The following BAG2 variants were observed in gnomAD, a reference collection of about 807,000 sequenced individuals.
BAG2 encodes BAG cochaperone 2.
In BAG2, 8 loss-of-function variants were observed where a neutral mutation model predicts 16.4. The ratio of observed to expected loss-of-function variants is 0.49; its 90% confidence interval spans 0.29 to 0.88. The LOEUF is 0.88. Among genes scored for constraint, BAG2 ranks in the 40% least tolerant of loss-of-function variants. The pLI is 0.09. For missense variants in BAG2, 218 were observed against 248.9 expected (o/e 0.88, Z 0.84); for synonymous variants, 82 against 89.2 (o/e 0.92, Z 0.46).
intron 1 of BAG2, chr6:57,173,105 T>G (rs1387478142): frequency 9.6e-7 from 1 of 1,039,730 alleles, no homozygotes. Flanking sequence ...CGGAAAAAAA[T>G]CAGAGGAGAT....
At position 57,188,824 on chromosome 6, in the gene BAG2, AAG is replaced by A. The variant is rs1238524453; in HGVS notation, c.*4638_*4639del. ...TTTTATTTTTCCATCTAAAATGGCA[AAG>A]AGAACATTTACTTTTGATCACTTAA... On this transcript the variant is annotated 3_prime_UTR_variant, in exon 3 of 3. Transcript: ENST00000370693. 6 of 152,214 alleles carry A rather than the reference AAG, an allele frequency of 3.9e-5. No homozygotes were observed. Among genetic ancestry groups the A allele is most frequent in the Non-Finnish European group, 7.3e-5 (5 of 68,028 alleles). 9.4% of individuals were successfully genotyped at this position (152,214 alleles called of 1,614,324 possible).
chr6:57,174,094 A>T, intron 1 of BAG2: 1 of 639,204 alleles, frequency 1.6e-6, no homozygotes, highest in Non-Finnish European at 2.0e-6. Context: ...ATGGATTTTC[A>T]CAATACTGGC....
At chr6:57,173,327 C>T (rs1168372792) in intron 1 of BAG2, 94 of 985,302 alleles carry the variant, frequency 9.5e-5, no homozygotes, top group Non-Finnish European at 1.1e-4. Context: ...ACCCAGCAAT[C>T]CATTGAGAGC....
At chr6:57,173,329 A>T (rs1424878990) in intron 1 of BAG2, 94 of 985,342 alleles carry the variant, frequency 9.5e-5, no homozygotes, top group Non-Finnish European at 1.1e-4. Context: ...CCAGCAATCC[A>T]TTGAGAGCAA....
rs80351725 is a variant in BAG2 at position 57,173,570 on chromosome 6, C to G, written c.113+760C>G. 1.9e-3 allele frequency: 1,582 copies of G among 854,206 alleles called. 18 individuals carry two copies. In the African/African-American group the frequency reaches 0.027, roughly 14 times the overall value. The allele number at this position is 854,206 out of a possible 1,614,324, so 52.9% of individuals were successfully genotyped here. A position where few individuals can be genotyped will look rare whatever the true frequency, so the allele number is the denominator to read the frequency against. On this transcript the variant is annotated intron_variant, in intron 1 of 2. Coordinates refer to ENST00000370693, the MANE Select transcript of BAG2 (RefSeq NM_004282.4). The stretch of plus-strand genomic sequence containing the variant: ...TTGCTTAAGAATTTATTTGGTAATA[C>G]AGTAGTAGACTTGTATAGAATTTCT...
chr6:57,174,911 A>G (rs1187849759), intron 1 of BAG2, among the ~76,000 whole-genome samples: 2 of 152,248 alleles, frequency 1.3e-5, no homozygotes, highest in Non-Finnish European at 1.5e-5. Context: ...TGTGCACTTA[A>G]TGTTCCCTAA....
intron 2 of BAG2, among the ~76,000 whole-genome samples, chr6:57,183,487 A>G (rs1034129755): frequency 6.6e-6 from 1 of 152,194 alleles, no homozygotes; most frequent in Non-Finnish European, 1.5e-5. Context: ...TCACAGTGTT[A>G]AGACTTGATC....
In BAG2 at chr6:57,189,121, A is replaced by ATCTT. The variant is rs1764731888; in HGVS notation, c.*4932_*4935dup. The ATCTT allele has an allele frequency of 6.6e-6, 1 of 152,218 alleles. No individual in the cohort carries two copies. The highest frequency in any genetic ancestry group is 1.5e-5 in the Non-Finnish European group (1 of 68,028). 9.4% of individuals were successfully genotyped at this position (152,218 alleles called of 1,614,324 possible). A position where few individuals can be genotyped will look rare whatever the true frequency, so the allele number is the denominator to read the frequency against. On this transcript the variant is annotated 3_prime_UTR_variant, in exon 3 of 3. Coordinates refer to ENST00000370693, the MANE Select transcript of BAG2 (RefSeq NM_004282.4). ...CAGTTTTAACAGAGTTCACGCAATT[A>ATCTT]TCTTAGCTGGAAAGCTACTGTCCCA...
Position 57,183,830 on chromosome 6 carries a change from C to T in BAG2, c.276C>T (p.Leu92=). 6.2e-7 allele frequency: 1 copy of T among 1,609,966 alleles called. No homozygotes were observed. Among genetic ancestry groups the T allele is most frequent in the Non-Finnish European group, 8.5e-7 (1 of 1,178,664 alleles). Residue 92 remains leucine (L), a synonymous_variant, in exon 3 of 3, where the codon CTC becomes CTT. Coordinates refer to ENST00000370693, the MANE Select transcript of BAG2 (RefSeq NM_004282.4). The part of the protein sequence containing the change: ...LTANRLMGRT[L]TVEVSVETIR... The stretch of plus-strand genomic sequence containing the variant: ...CAAACCGTTTGATGGGAAGAACTCT[C>T]ACCGTTGAAGTGTCAGTAGAAACAA...
chr6:57,179,241 G>A (rs1764370116), intron 1 of BAG2, among the ~76,000 whole-genome samples: 1 of 152,052 alleles, frequency 6.6e-6, no homozygotes, highest in African/African-American at 2.4e-5. Context: ...CCTGGAATAG[G>A]GCCTGATACT....
At position 57,184,891 on chromosome 6, in the gene BAG2, TA is replaced by T. The variant is rs1452857783; in HGVS notation, c.*707del. On this transcript the variant is annotated 3_prime_UTR_variant, in exon 3 of 3. Transcript: ENST00000370693. Reference sequence around the variant, plus strand: ...TCCTATATTGTAACTTGCCTTTTTTTAAAAAAGTTAGATGCTGATATAAAGT... The same window carrying T: ...TCCTATATTGTAACTTGCCTTTTTTTAAAAAGTTAGATGCTGATATAAAGT... 4 of 152,482 alleles carry T rather than the reference TA, an allele frequency of 2.6e-5. No homozygotes were observed. The highest frequency in any genetic ancestry group is 9.6e-5 in the African/African-American group (4 of 41,464). 9.4% of individuals were successfully genotyped at this position (152,482 alleles called of 1,614,324 possible). A position where few individuals can be genotyped will look rare whatever the true frequency, so the allele number is the denominator to read the frequency against.
At chr6:57,175,297 T>G (rs1000513353) in intron 1 of BAG2, among the ~76,000 whole-genome samples, 1 of 152,218 alleles carries the variant, frequency 6.6e-6, no homozygotes, top group Non-Finnish European at 1.5e-5. Context: ...AACGTTTTCC[T>G]GGCTCATAAC....
chr6:57,188,974 A>AAAT lies in BAG2; in HGVS notation c.*4785_*4787dup, dbSNP rs1764724699. 1 of 152,212 alleles carries AAAT rather than the reference A, an allele frequency of 6.6e-6. No individual in the cohort carries two copies. The highest frequency in any genetic ancestry group is 1.5e-5 in the Non-Finnish European group (1 of 68,022). The allele number at this position is 152,212 out of a possible 1,614,324, so 9.4% of individuals were successfully genotyped here. ...AACATTGTTTAGTACAAATAATGAA[A>AAAT]AATGACTTCATGACATTTTCCAATA... On this transcript the variant is annotated 3_prime_UTR_variant, in exon 3 of 3. Transcript: ENST00000370693.
chr6:57,181,606 A>C (rs1445051148), intron 1 of BAG2, among the ~76,000 whole-genome samples: 1 of 152,090 alleles, frequency 6.6e-6, no homozygotes, highest in Non-Finnish European at 1.5e-5. Context: ...AGGCTGAGGC[A>C]CGAGAATCAC....
intron 1 of BAG2, 133 bp downstream of exon 1, chr6:57,172,943 G>T (rs1764168064): frequency 1.3e-6 from 1 of 797,552 alleles, no homozygotes; most frequent in East Asian, 3.3e-5. Context: ...GAAGTTGCTT[G>T]TTGAGATTTG....
At chr6:57,177,547 T>C (rs577939748) in intron 1 of BAG2, among the ~76,000 whole-genome samples, 1 of 152,304 alleles carries the variant, frequency 6.6e-6, no homozygotes, top group South Asian at 2.1e-4. Flanking sequence ...ATGGTAAGAA[T>C]ATAATAGCTA....
chr6:57,189,297 T>C lies in BAG2; in HGVS notation c.*5107T>C, dbSNP rs1764739992. 6.6e-6 allele frequency: 1 copy of C among 152,220 alleles called. No individual in the cohort carries two copies. Among genetic ancestry groups the C allele is most frequent in the Non-Finnish European group, 1.5e-5 (1 of 68,026 alleles). The allele number at this position is 152,220 out of a possible 1,614,324, so 9.4% of individuals were successfully genotyped here. ...AGTGATTGATAATCTTAAAATACCA[T>C]ACAAAAATGTGTAAACAAAAGGATG... On this transcript the variant is annotated 3_prime_UTR_variant, in exon 3 of 3. Transcript: ENST00000370693.
chr6:57,172,376 C>T lies in BAG2; in HGVS notation c.-322C>T, dbSNP rs1210005500. On this transcript the variant is annotated 5_prime_UTR_variant, in exon 1 of 3. Transcript: ENST00000370693. ...GCTCGGTCTCTGCGTCCGCCCCTCC[C>T]GTGCCTCAGAGACTTGCGCTCCCCA... 1 of 184,682 alleles carries T rather than the reference C, an allele frequency of 5.4e-6. No homozygotes were observed. The highest frequency in any genetic ancestry group is 1.1e-5 in the Non-Finnish European group (1 of 89,878). 11.4% of individuals were successfully genotyped at this position (184,682 alleles called of 1,614,324 possible).
rs570861965 is a variant in BAG2 at position 57,172,594 on chromosome 6, G to A, written c.-104G>A. ...CCCCCGCGGGCGTCAGAGGGAGGGC[G>A]GGCGCCCGCGTGGTGACGGCGACGC... On this transcript the variant is annotated 5_prime_UTR_variant, in exon 1 of 3. Coordinates refer to ENST00000370693, the MANE Select transcript of BAG2 (RefSeq NM_004282.4). 1.0e-5 allele frequency: 10 copies of A among 964,308 alleles called. No homozygotes were observed. Among genetic ancestry groups the A allele is most frequent in the Middle Eastern group, 3.6e-4 (1 of 2,758 alleles). 59.7% of individuals were successfully genotyped at this position (964,308 alleles called of 1,614,324 possible).
Sources: gnomAD v4.1 joint callset for allele counts (sites outside exome capture counted in the v4.1 genomes callset) on GRCh38, gnomAD v4.1.1 for gene constraint, MANE v1.5 for transcripts, NCBI Gene and HGNC (gene_info 2026-07-23, HGNC 2026-07-21) for gene names.